Variants in AGBL1 observed in about 807,000 individuals in gnomAD.
AGBL1 encodes AGBL carboxypeptidase 1.
AGBL1 carries 130 observed loss-of-function variants against 118.9 expected under a neutral mutation model. That is an observed-to-expected ratio of 1.09 (90% CI 0.95 to 1.26). The LOEUF (loss-of-function observed/expected upper bound fraction) is 1.26. Ranked by LOEUF, AGBL1 falls within the 50% of genes most tolerant of loss-of-function variation. The probability of loss-of-function intolerance (pLI) is 0.00; values close to 1 mark genes in which losing one functional copy is unlikely to be tolerated. For missense variants in AGBL1, 1,584 were observed against 1,298.1 expected (o/e 1.22, Z -3.38); for synonymous variants, 555 against 478.9 (o/e 1.16, Z -2.08).
Position 86,216,717 on chromosome 15 carries a change from T to TA in AGBL1, c.489-8189dup, listed in dbSNP as rs562622399. On this transcript the variant is annotated intron_variant, in intron 5 of 22. Coordinates refer to ENST00000614907, the MANE Select transcript of AGBL1 (RefSeq NM_001386094.1). The stretch of plus-strand genomic sequence containing the variant: ...TTCTACTCTTGTCTTCCTAGTCCTT[T>TA]AAAAAAAATGTAGAGTTGTCAGAGA... 1.1e-3 allele frequency among the ~76,000 whole-genome samples: 161 copies of TA among 152,080 alleles called. 1 individual carries two copies. The highest frequency in any genetic ancestry group is 3.0e-3 in the African/African-American group (125 of 41,490).
chr15:86,665,093 T>C (rs2085619516), intron 21 of AGBL1, among the ~76,000 whole-genome samples: 2 of 152,282 alleles, frequency 1.3e-5, no homozygotes, highest in South Asian at 4.1e-4. Context: ...TAGCATACTA[T>C]AGTCAATTAT....
At chr15:86,975,345 C>T (rs993352006) in intron 23 of AGBL1, among the ~76,000 whole-genome samples, 3 of 151,926 alleles carry the variant, frequency 2.0e-5, no homozygotes, top group African/African-American at 4.8e-5. Context: ...GGAAATTCCC[C>T]TTTATACAAA....
chr15:86,654,661 G>A (rs561365176), intron 21 of AGBL1, among the ~76,000 whole-genome samples: 8 of 152,050 alleles, frequency 5.3e-5, no homozygotes, highest in African/African-American at 1.9e-4. Context: ...TAACGTGTTG[G>A]CATCCCCTTT....
chr15:86,301,525 G>A (rs1467939423), intron 17 of AGBL1, among the ~76,000 whole-genome samples: 1 of 151,884 alleles, frequency 6.6e-6, no homozygotes, highest in African/African-American at 2.4e-5. Context: ...AAACTGAACT[G>A]TGCCCTTTTC....
chr15:86,723,318 T>G (rs532377450), intron 22 of AGBL1, among the ~76,000 whole-genome samples: 2 of 152,298 alleles, frequency 1.3e-5, no homozygotes, highest in South Asian at 4.1e-4. Context: ...TGGAATAGTA[T>G]GCAGCCATAA....
At chr15:86,207,935 A>T (rs1221556049) in intron 5 of AGBL1, among the ~76,000 whole-genome samples, 1 of 152,078 alleles carries the variant, frequency 6.6e-6, no homozygotes, top group Non-Finnish European at 1.5e-5. Context: ...ATTCAGTATG[A>T]TATTGGCTGA....
intron 5 of AGBL1, among the ~76,000 whole-genome samples, chr15:86,223,681 G>T (rs2078313993): frequency 6.6e-6 from 1 of 152,116 alleles, no homozygotes; most frequent in African/African-American, 2.4e-5. Context: ...TCCCTGAGTG[G>T]GGGTGTCATC....
At chr15:86,161,437 G>A (rs923730851) in intron 5 of AGBL1, among the ~76,000 whole-genome samples, 18 of 152,268 alleles carry the variant, frequency 1.2e-4, no homozygotes, top group Middle Eastern at 3.4e-3. Flanking sequence ...AAGAAGTTAA[G>A]TAACATGCTG....
At chr15:86,876,905 G>A (rs1419042559) in intron 22 of AGBL1, among the ~76,000 whole-genome samples, 1 of 152,068 alleles carries the variant, frequency 6.6e-6, no homozygotes, top group African/African-American at 2.4e-5. Context: ...TTGAATGAAT[G>A]GATGCATGCT....
intron 1 of AGBL1, among the ~76,000 whole-genome samples, chr15:86,091,288 AC>A (rs1896007786): frequency 6.6e-6 from 1 of 152,190 alleles, no homozygotes; most frequent in Non-Finnish European, 1.5e-5. Flanking sequence ...ACGCTTTCCT[AC>A]TGAAATTCTT....
At chr15:86,365,373 C>A (rs749707374) in intron 17 of AGBL1, among the ~76,000 whole-genome samples, 1 of 152,036 alleles carries the variant, frequency 6.6e-6, no homozygotes, top group Non-Finnish European at 1.5e-5. Context: ...TTCTTCTGAT[C>A]CTAACATTTT....
At chr15:86,996,064 T>G (rs1481872296) in intron 24 of AGBL1, among the ~76,000 whole-genome samples, 2 of 152,170 alleles carry the variant, frequency 1.3e-5, no homozygotes, top group Non-Finnish European at 2.9e-5. Context: ...TTTGCATTTT[T>G]TACAAACCCC....
chr15:86,788,833 C>T (rs1008611355), intron 22 of AGBL1, among the ~76,000 whole-genome samples: 10 of 152,012 alleles, frequency 6.6e-5, no homozygotes, highest in South Asian at 4.1e-4. Context: ...AAGAATCAGA[C>T]GTACAAAATT....
intron 22 of AGBL1, among the ~76,000 whole-genome samples, chr15:86,770,402 A>T (rs1021237612): frequency 6.6e-6 from 1 of 151,908 alleles, no homozygotes; most frequent in Non-Finnish European, 1.5e-5. Context: ...GTTACTAAGA[A>T]CATCTACTGT....
chr15:86,589,044 G>T (rs186575848), intron 21 of AGBL1, among the ~76,000 whole-genome samples: 8 of 151,986 alleles, frequency 5.3e-5, no homozygotes, highest in Admixed American at 2.0e-4. Context: ...TATACACTGT[G>T]TGCATGGACA....
At chr15:86,241,742 C>G (rs964232075) in intron 6 of AGBL1, among the ~76,000 whole-genome samples, 15 of 152,320 alleles carry the variant, frequency 9.8e-5, no homozygotes, top group Admixed American at 7.8e-4. Context: ...ATCACATTGA[C>G]AACACCTGAA....
intron 17 of AGBL1, among the ~76,000 whole-genome samples, chr15:86,319,820 G>A (rs574642281): frequency 2.5e-5 from 3 of 120,182 alleles, no homozygotes; most frequent in Admixed American, 1.1e-4. Flanking sequence ...GCAATGGCAC[G>A]ATCTTGGTTC....
At chr15:86,680,065 G>T (rs971916254) in intron 22 of AGBL1, among the ~76,000 whole-genome samples, 17 of 152,028 alleles carry the variant, frequency 1.1e-4, no homozygotes, top group Admixed American at 9.8e-4. Context: ...TGTACATACT[G>T]CCTGTAAAAT....
intron 20 of AGBL1, among the ~76,000 whole-genome samples, chr15:86,551,687 G>T (rs2083664906): frequency 6.6e-6 from 1 of 152,146 alleles, no homozygotes; most frequent in East Asian, 1.9e-4. Flanking sequence ...AGAAACACTT[G>T]CCAACTCATT....
Sources: gnomAD v4.1 joint callset for allele counts (sites outside exome capture counted in the v4.1 genomes callset) on GRCh38, gnomAD v4.1.1 for gene constraint, MANE v1.5 for transcripts, NCBI Gene and HGNC (gene_info 2026-07-23, HGNC 2026-07-21) for gene names.